The following GRB10 variants were observed in gnomAD, a reference collection of about 807,000 sequenced individuals.
GRB10 encodes growth factor receptor-bound protein 10.
Under a neutral mutation model 80.9 loss-of-function variants are expected in GRB10, and 20 were observed. The ratio of observed to expected loss-of-function variants is 0.25; its 90% CI spans 0.17 to 0.36. The LOEUF is 0.36. Among genes scored for constraint, GRB10 ranks in the 10% least tolerant of loss-of-function variants. GRB10 has a pLI of 1.00. For synonymous variants in GRB10, 291 were observed against 291.5 expected (o/e 1.00, Z 0.02); for missense variants, 548 against 747.7 (o/e 0.73, Z 3.12).
intron 4 of GRB10, among the ~76,000 whole-genome samples, chr7:50,713,870 C>T (rs1319046078): frequency 6.6e-6 from 1 of 152,062 alleles, no homozygotes; most frequent in East Asian, 1.9e-4. Flanking sequence ...TCCACCCTCA[C>T]CTCTAGCTCC....
At position 50,618,165 on chromosome 7, in the gene GRB10, C is replaced by T. The variant is rs375805040; in HGVS notation, c.778-26G>A. On this transcript the variant is annotated intron_variant, in intron 9 of 18. Transcript: ENST00000401949. ...CTAAGAAAATGGGAAAAAACAAATA[C>T]GTAAAAGGTTAGCTTCAAAGTGAGG... is the stretch of plus-strand genomic sequence containing the variant. The T allele has an allele frequency of 1.9e-4, 301 of 1,572,462 alleles. 1 individual carries two copies. The highest frequency in any genetic ancestry group is 2.4e-4 in the Non-Finnish European group (270 of 1,142,948).
At chr7:50,613,236 G>A (rs964925466) in intron 12 of GRB10, among the ~76,000 whole-genome samples, 3 of 152,154 alleles carry the variant, frequency 2.0e-5, no homozygotes, top group Admixed American at 6.5e-5. Flanking sequence ...ACTTACAGGA[G>A]GAGAGATCTT....
intron 5 of GRB10, among the ~76,000 whole-genome samples, chr7:50,689,823 T>A (rs1014751102): frequency 1.3e-5 from 2 of 152,106 alleles, no homozygotes; most frequent in African/African-American, 4.8e-5. Flanking sequence ...AGGGTTTTTT[T>A]TTTTATTTTT....
intron 2 of GRB10, among the ~76,000 whole-genome samples, chr7:50,771,609 C>T (rs2076988460): frequency 6.6e-6 from 1 of 152,234 alleles, no homozygotes; most frequent in South Asian, 2.1e-4. Context: ...GGAGCCAAAA[C>T]TAAACAGCAC....
At chr7:50,774,905 AGGTTGAGGC>A (rs1251268930) in intron 2 of GRB10, among the ~76,000 whole-genome samples, 3 of 151,090 alleles carry the variant, frequency 2.0e-5, no homozygotes, top group African/African-American at 7.3e-5. Flanking sequence ...GCACTGTCGG[AGGTTGAGGC>A]GGCCGGACTT....
intron 4 of GRB10, among the ~76,000 whole-genome samples, chr7:50,720,556 T>C (rs556089166): frequency 6.6e-6 from 1 of 152,212 alleles, no homozygotes; most frequent in South Asian, 2.1e-4. Context: ...CCAGCACATA[T>C]GGCAACACTT....
At chr7:50,662,247 C>T (rs2237462) in intron 7 of GRB10, among the ~76,000 whole-genome samples, 42,059 of 152,026 alleles carry the variant, frequency 0.28, 6,826 homozygotes, top group Middle Eastern at 0.5. Flanking sequence ...CTTAAAAGCC[C>T]CTGGGCCTCC....
At chr7:50,687,456 AG>A (rs2062236948) in intron 5 of GRB10, among the ~76,000 whole-genome samples, 1 of 152,298 alleles carries the variant, frequency 6.6e-6, no homozygotes, top group South Asian at 2.1e-4. Flanking sequence ...GTTTCTGTCC[AG>A]GAAGTGCAGC....
intron 5 of GRB10, among the ~76,000 whole-genome samples, chr7:50,687,561 T>C (rs988559758): frequency 2.6e-5 from 4 of 152,136 alleles, no homozygotes; most frequent in African/African-American, 9.7e-5. Flanking sequence ...CTTTCATGTC[T>C]CCACTCAACC....
At chr7:50,777,523 A>G (rs2077806223) in intron 2 of GRB10, among the ~76,000 whole-genome samples, 1 of 152,104 alleles carries the variant, frequency 6.6e-6, no homozygotes, top group African/African-American at 2.4e-5. Context: ...TTAAATGAGT[A>G]AATTGTATGG....
chr7:50,600,196 T>C (rs2047362477), intron 17 of GRB10, among the ~76,000 whole-genome samples: 1 of 152,118 alleles, frequency 6.6e-6, no homozygotes, highest in Non-Finnish European at 1.5e-5. Context: ...TACACTGTAT[T>C]AGAAGCCCCA....
At chr7:50,660,966 C>A (rs1475642314) in intron 7 of GRB10, among the ~76,000 whole-genome samples, 1 of 152,166 alleles carries the variant, frequency 6.6e-6, no homozygotes, top group Admixed American at 6.5e-5. Context: ...CCAAAGGCAC[C>A]AGAAAAGGTG....
intron 8 of GRB10, among the ~76,000 whole-genome samples, chr7:50,625,243 G>A (rs188355528): frequency 2.0e-5 from 3 of 152,238 alleles, no homozygotes; most frequent in Admixed American, 1.3e-4. Context: ...TCCTGAGTGT[G>A]TCCAATTATA....
At chr7:50,698,592 T>A (rs1025912001) in intron 5 of GRB10, among the ~76,000 whole-genome samples, 1 of 152,234 alleles carries the variant, frequency 6.6e-6, no homozygotes, top group Non-Finnish European at 1.5e-5. Flanking sequence ...TTCACTGTGC[T>A]GTATGTTTCC....
At chr7:50,718,531 A>C (rs897865395) in intron 4 of GRB10, among the ~76,000 whole-genome samples, 4 of 152,054 alleles carry the variant, frequency 2.6e-5, no homozygotes, top group African/African-American at 9.7e-5. Flanking sequence ...GATCAGTGAG[A>C]GCTCACTCTC....
At chr7:50,783,492 CAT>C (rs1203591307), upstream of GRB10, among the ~76,000 whole-genome samples, 18 of 151,340 alleles carry the variant, frequency 1.2e-4, no homozygotes, top group Non-Finnish European at 1.0e-4. Flanking sequence ...ACACCACACA[CAT>C]ACATACACAC....
At position 50,752,070 on chromosome 7, in the gene GRB10, A is replaced by G. The variant is rs572660600; in HGVS notation, c.-47+3817T>C. Among the ~76,000 whole-genome samples the G allele has an allele frequency of 1.1e-4, 16 of 152,324 alleles. No homozygotes were observed. The East Asian group carries it at 1.5e-3, about 15-fold the overall frequency. On this transcript the variant is annotated intron_variant, in intron 3 of 18. Coordinates refer to ENST00000401949, the MANE Select transcript of GRB10 (RefSeq NM_001350814.2). ...TGCCTGACCCAAGCTTCCCAGCGCA[A>G]TCCAGTGGGGAGAAGCTCATACAAA...
At chr7:50,688,696 G>C (rs1426279883) in intron 5 of GRB10, among the ~76,000 whole-genome samples, 1 of 143,702 alleles carries the variant, frequency 7.0e-6, no homozygotes, top group Non-Finnish European at 1.5e-5. Flanking sequence ...GGTGTTCCCA[G>C]ACTGTTTAAA....
At chr7:50,725,488 G>T (rs527903638) in intron 4 of GRB10, among the ~76,000 whole-genome samples, 10 of 152,302 alleles carry the variant, frequency 6.6e-5, no homozygotes, top group African/African-American at 1.9e-4. Flanking sequence ...CACACAGCAG[G>T]TAAGTTTTGG....
Sources: allele counts gnomAD v4.1 joint callset (sites outside exome capture counted in the v4.1 genomes callset), GRCh38; gene constraint gnomAD v4.1.1; transcripts MANE v1.5; gene names NCBI Gene and HGNC (gene_info 2026-07-23, HGNC 2026-07-21).